ADGRL2: variants seen among roughly 807,000 people sequenced by gnomAD.
The protein encoded by ADGRL2 is calcium-independent alpha-latrotoxin receptor 2.
In ADGRL2, 44 loss-of-function variants were observed where a neutral mutation model predicts 157.4. The ratio of observed to expected loss-of-function variants is 0.28; its 90% CI spans 0.22 to 0.36. The LOEUF (loss-of-function observed/expected upper bound fraction) is 0.36. Ranked by LOEUF, ADGRL2 falls within the 10% of genes least tolerant of loss-of-function variation. The pLI is 1.00. For synonymous variants in ADGRL2, 585 were observed against 624.7 expected (o/e 0.94, Z 0.95); for missense variants, 1,510 against 1,768.9 (o/e 0.85, Z 2.63).
intron 3 of ADGRL2, among the ~76,000 whole-genome samples, chr1:81,662,186 G>A (rs1448426833): frequency 6.6e-6 from 1 of 150,814 alleles, no homozygotes; most frequent in Non-Finnish European, 1.5e-5. Context: ...ATTTTAAAGT[G>A]TACAATTAAG....
chr1:81,911,876 ATTT>A (rs543340647), intron 3 of ADGRL2, among the ~76,000 whole-genome samples: 7 of 120,704 alleles, frequency 5.8e-5, no homozygotes, highest in Admixed American at 8.6e-5. Context: ...CCTGCCTCCC[ATTT>A]TTTTTTTTTT....
chr1:81,934,617 A>T (rs1255847681), intron 3 of ADGRL2, among the ~76,000 whole-genome samples: 1 of 151,836 alleles, frequency 6.6e-6, no homozygotes, highest in Non-Finnish European at 1.5e-5. Flanking sequence ...ACCAGTTGCT[A>T]GTTTGTTGAT....
chr1:81,642,247 C>CCA (rs2082233535), intron 3 of ADGRL2, among the ~76,000 whole-genome samples: 1 of 121,302 alleles, frequency 8.2e-6, no homozygotes, highest in African/African-American at 3.0e-5. Flanking sequence ...GACTCTGTCT[C>CCA]CAAAAAAAAA....
In ADGRL2 at chr1:81,948,834, G is replaced by C. The variant is rs557337632; in HGVS notation, c.1211-1355G>C. Reference sequence around the variant, plus strand: ...TTAGAAGTTTCTCTTGAGGTAGAGGGGGGGAAAGGAATAAAACGTGTATAG... The same window carrying C: ...TTAGAAGTTTCTCTTGAGGTAGAGGCGGGGAAAGGAATAAAACGTGTATAG... On this transcript the variant is annotated intron_variant, in intron 6 of 23. Coordinates refer to ENST00000686636, the MANE Select transcript of ADGRL2 (RefSeq NM_001366006.2). 1.3e-4 allele frequency among the ~76,000 whole-genome samples: 20 copies of C among 152,232 alleles called. No homozygotes were observed. In the South Asian group the frequency reaches 2.3e-3, roughly 17 times the overall value.
intron 3 of ADGRL2, among the ~76,000 whole-genome samples, chr1:81,914,073 AATTC>A (rs2094797999): frequency 6.6e-6 from 1 of 151,820 alleles, no homozygotes; most frequent in African/African-American, 2.4e-5. Flanking sequence ...TAATCAAGAA[AATTC>A]ATTACAATGC....
At chr1:81,634,719 C>T (rs2082082516) in intron 3 of ADGRL2, among the ~76,000 whole-genome samples, 2 of 151,912 alleles carry the variant, frequency 1.3e-5, no homozygotes, top group Non-Finnish European at 2.9e-5. Flanking sequence ...GACGGGGTTT[C>T]ACCATGTTGG....
intron 2 of ADGRL2, among the ~76,000 whole-genome samples, chr1:81,564,254 C>G (rs1273147926): frequency 6.6e-6 from 1 of 152,170 alleles, no homozygotes; most frequent in Non-Finnish European, 1.5e-5. Flanking sequence ...ACCCCCAGAA[C>G]TTAACAGCTT....
intron 1 of ADGRL2, among the ~76,000 whole-genome samples, chr1:81,358,209 T>C (rs1217770128): frequency 2.0e-5 from 3 of 152,210 alleles, no homozygotes; most frequent in Non-Finnish European, 4.4e-5. Flanking sequence ...TTAAACTGTG[T>C]GACAGAGGGT....
intron 1 of ADGRL2, among the ~76,000 whole-genome samples, chr1:81,437,880 G>T (rs1309226015): frequency 1.3e-5 from 2 of 152,168 alleles, no homozygotes; most frequent in African/African-American, 4.8e-5. Context: ...TTATAAACTT[G>T]TATTTGAAAT....
chr1:81,651,207 T>G (rs114971275), intron 3 of ADGRL2, among the ~76,000 whole-genome samples: 454 of 152,324 alleles, frequency 3.0e-3, no homozygotes, highest in Non-Finnish European at 4.7e-3. Context: ...AAAGGAAAGA[T>G]GCACACTGGG....
chr1:81,520,896 G>T (rs540777017), intron 2 of ADGRL2, among the ~76,000 whole-genome samples: 3 of 152,060 alleles, frequency 2.0e-5, no homozygotes, highest in African/African-American at 4.8e-5. Context: ...TTCATTCCCC[G>T]ATCCCAGGAT....
intron 2 of ADGRL2, among the ~76,000 whole-genome samples, chr1:81,541,327 A>G (rs1426316696): frequency 6.6e-6 from 1 of 152,142 alleles, no homozygotes; most frequent in African/African-American, 2.4e-5. Context: ...TTTCTTTTCC[A>G]TGTATTATAT....
intron 1 of ADGRL2, among the ~76,000 whole-genome samples, chr1:81,403,555 C>T (rs760214404): frequency 2.0e-5 from 3 of 151,882 alleles, no homozygotes; most frequent in African/African-American, 4.8e-5. Flanking sequence ...CATGAGTCAC[C>T]GTGCCTGGCC....
chr1:81,330,288 C>A (rs1661184557), intron 1 of ADGRL2, among the ~76,000 whole-genome samples: 1 of 152,060 alleles, frequency 6.6e-6, no homozygotes, highest in Admixed American at 6.6e-5. Flanking sequence ...AAACAGATTT[C>A]TAAAACTGTC....
intron 1 of ADGRL2, among the ~76,000 whole-genome samples, chr1:81,386,752 T>C (rs1456766195): frequency 6.6e-6 from 1 of 152,204 alleles, no homozygotes. Context: ...TTCTCATGAA[T>C]AGAATATACT....
chr1:81,452,054 C>T (rs2077712831), intron 2 of ADGRL2, among the ~76,000 whole-genome samples: 1 of 152,130 alleles, frequency 6.6e-6, no homozygotes, highest in Non-Finnish European at 1.5e-5. Context: ...TTCAAGGCAT[C>T]TAGCCCTTGC....
chr1:81,545,983 C>G (rs893670882), intron 2 of ADGRL2, among the ~76,000 whole-genome samples: 1 of 152,156 alleles, frequency 6.6e-6, no homozygotes, highest in African/African-American at 2.4e-5. Flanking sequence ...AGGCCTGGAT[C>G]AGCTGTTTAT....
At chr1:81,906,486 A>G (rs573592214) in intron 2 of ADGRL2, among the ~76,000 whole-genome samples, 1 of 152,308 alleles carries the variant, frequency 6.6e-6, no homozygotes, top group African/African-American at 2.4e-5. Flanking sequence ...TTAAATGGAA[A>G]TAAGTTATTG....
chr1:81,749,855 T>A (rs770038335), intron 1 of ADGRL2, among the ~76,000 whole-genome samples: 6 of 152,180 alleles, frequency 3.9e-5, no homozygotes, highest in Non-Finnish European at 7.4e-5. Flanking sequence ...CTGTTTTGAA[T>A]AAATCTTCAG....
Sources: gnomAD v4.1 joint callset for allele counts (sites outside exome capture counted in the v4.1 genomes callset) on GRCh38, gnomAD v4.1.1 for gene constraint, MANE v1.5 for transcripts, NCBI Gene and HGNC (gene_info 2026-07-23, HGNC 2026-07-21) for gene names.